The following PRKCZ variants were observed in gnomAD, a reference collection of about 807,000 sequenced individuals.
PRKCZ encodes protein kinase C zeta, also known as protein kinase C zeta type.
A neutral mutation model predicts 79.5 loss-of-function variants in PRKCZ; 33 were observed. The observed-to-expected ratio is 0.41, with a 90% CI of 0.31 to 0.55. The LOEUF (loss-of-function observed/expected upper bound fraction) is 0.55. Among genes scored for constraint, PRKCZ ranks in the 20% least tolerant of loss-of-function variants. PRKCZ has a pLI of 0.19. For synonymous variants in PRKCZ, 342 were observed against 320.9 expected (o/e 1.07, Z -0.70); for missense variants, 578 against 813.5 (o/e 0.71, Z 3.52).
intron 4 of PRKCZ, among the ~76,000 whole-genome samples, chr1:2,106,757 CTGGTGGG>C (rs1668588224): frequency 2.4e-5 from 3 of 124,944 alleles, no homozygotes; most frequent in Non-Finnish European, 3.4e-5. Context: ...GCAAGCCCCT[CTGGTGGG>C]CGAGGACCTC....
intron 4 of PRKCZ, among the ~76,000 whole-genome samples, chr1:2,110,916 G>A (rs191484205): frequency 2.0e-5 from 3 of 152,176 alleles, no homozygotes; most frequent in Middle Eastern, 3.4e-3. Context: ...AGACCGAGCC[G>A]GAAGGTGAGG....
Position 2,172,250 on chromosome 1 carries a change from C to G in PRKCZ, c.1198-51C>G. On this transcript the variant is annotated intron_variant, in intron 12 of 17. Coordinates refer to ENST00000378567, the MANE Select transcript of PRKCZ (RefSeq NM_002744.6). The surrounding 1 kb of genome is among the most constrained non-coding windows in gnomAD (Gnocchi z 7.8). ...GCATGTGCGTCTCGGGGCGCCTGTC[C>G]CGCGGGGTAGTGTCTACAAGAACCC... is the stretch of plus-strand genomic sequence containing the variant. 1 of 1,613,432 alleles carries G rather than the reference C, an allele frequency of 6.2e-7. No homozygotes were observed. Among genetic ancestry groups the G allele is most frequent in the Non-Finnish European group, 8.5e-7 (1 of 1,180,006 alleles).
At position 2,082,997 on chromosome 1, in the gene PRKCZ, C is replaced by T. The variant is rs115470299; in HGVS notation, c.334+23406C>T. ...CAGGTGTCCACACCTTGGGTGCCCCCGTCCTCCCTCTCCTCATGTCCTAAT... is the reference window on the plus strand; with the variant it reads ...CAGGTGTCCACACCTTGGGTGCCCCTGTCCTCCCTCTCCTCATGTCCTAAT... On this transcript the variant is annotated intron_variant, in intron 4 of 17. Transcript: ENST00000378567. This position sits in a 1 kb window ranked among gnomAD's most constrained non-coding sequence, Gnocchi z 4.4. Among the ~76,000 whole-genome samples, 2 of 152,266 alleles carry T rather than the reference C, an allele frequency of 1.3e-5. No individual in the cohort carries two copies. The highest frequency in any genetic ancestry group is 1.9e-4 in the East Asian group (1 of 5,190).
intron 5 of PRKCZ, among the ~76,000 whole-genome samples, chr1:2,135,924 A>T (rs1419199328): frequency 6.6e-6 from 1 of 152,120 alleles, no homozygotes; most frequent in Non-Finnish European, 1.5e-5. Flanking sequence ...TCTGTTTCAC[A>T]GTGGAAGGGG....
intron 4 of PRKCZ, among the ~76,000 whole-genome samples, chr1:2,080,139 C>A (rs917355353): frequency 1.3e-5 from 2 of 152,210 alleles, no homozygotes; most frequent in African/African-American, 4.8e-5. Flanking sequence ...GCATCCACTA[C>A]CCGGCCTGTC....
intron 4 of PRKCZ, among the ~76,000 whole-genome samples, chr1:2,066,637 C>T (rs147846406): frequency 1.2e-4 from 19 of 152,320 alleles, no homozygotes; most frequent in African/African-American, 3.8e-4. Flanking sequence ...CTGCTGCGCC[C>T]GGCCCTGCTC....
chr1:2,095,894 C>CCTCCCCTCCTTTCCT (rs1666407112), intron 4 of PRKCZ, among the ~76,000 whole-genome samples: 4 of 102,422 alleles, frequency 3.9e-5, no homozygotes, highest in African/African-American at 1.2e-4. Flanking sequence ...CCTCCTTTCC[C>CCTCCCCTCCTTTCCT]CTCCCCTCCT....
Position 2,069,032 on chromosome 1 carries a change from C to T in PRKCZ, c.334+9441C>T, listed in dbSNP as rs113536936. 7.1e-3 allele frequency among the ~76,000 whole-genome samples: 1,087 copies of T among 152,290 alleles called. 9 individuals are homozygous for T. The highest frequency in any genetic ancestry group is 0.024 in the African/African-American group (1,001 of 41,550). On this transcript the variant is annotated intron_variant, in intron 4 of 17. Transcript: ENST00000378567. ...CCAGTCACCACCCTGCCGGCTGCCACGGGGACACGTGGCCTGGTTCCTGCT... is the reference window on the plus strand; with the variant it reads ...CCAGTCACCACCCTGCCGGCTGCCATGGGGACACGTGGCCTGGTTCCTGCT...
rs1046405308 is a variant in PRKCZ, at chr1:2,125,213, A to G, written c.335-10049A>G. ...CAGAAAAAAAATTTCTTACATAGAA[A>G]GGAGCGGTATTTGGTATGAATTTAT... On this transcript the variant is annotated intron_variant, in intron 4 of 17. Transcript: ENST00000378567. The surrounding 1 kb of genome is among the most constrained non-coding windows in gnomAD (Gnocchi z 4.2). 5.3e-5 allele frequency among the ~76,000 whole-genome samples: 8 copies of G among 152,254 alleles called. No homozygotes were observed. The highest frequency in any genetic ancestry group is 2.1e-4 in the South Asian group (1 of 4,836).
intron 4 of PRKCZ, among the ~76,000 whole-genome samples, chr1:2,118,899 T>C (rs1001514726): frequency 6.6e-4 from 100 of 152,222 alleles, no homozygotes; most frequent in Non-Finnish European, 1.3e-3. Flanking sequence ...GGCTGTGTTT[T>C]AAATGAAAGA....
chr1:2,069,747 C>G (rs922575492), intron 4 of PRKCZ, among the ~76,000 whole-genome samples: 1 of 152,144 alleles, frequency 6.6e-6, no homozygotes. Flanking sequence ...TCTAGATGGC[C>G]GGGCCCATCA....
rs1557516029 is a variant in PRKCZ, at chr1:2,082,042, CGGGCTGCCG to C, written c.334+22452_334+22460del. ...TGTTCATATTAAAGCAGGCTTGATC[CGGGCTGCCG>C]TGGTTCCGATCGACTCCGAATAGGA... On this transcript the variant is annotated intron_variant, in intron 4 of 17. Coordinates refer to ENST00000378567, the MANE Select transcript of PRKCZ (RefSeq NM_002744.6). The surrounding 1 kb of genome is among the most constrained non-coding windows in gnomAD (Gnocchi z 4.4). Among the ~76,000 whole-genome samples, 1 of 152,218 alleles carries C rather than the reference CGGGCTGCCG, an allele frequency of 6.6e-6. No homozygotes were observed. Among genetic ancestry groups the C allele is most frequent in the African/African-American group, 2.4e-5 (1 of 41,444 alleles).
At position 2,165,923 on chromosome 1, in the gene PRKCZ, G is replaced by T. The variant is rs1683232225; in HGVS notation, c.975-3595G>T. Reference sequence around the variant, plus strand: ...TCAGCCCCCGGCCGCCCCCTAGGAGGTTTCGTGAGCTTCCAGCATCCCCCT... The same window carrying T: ...TCAGCCCCCGGCCGCCCCCTAGGAGTTTTCGTGAGCTTCCAGCATCCCCCT... On this transcript the variant is annotated intron_variant, in intron 10 of 17. Coordinates refer to ENST00000378567, the MANE Select transcript of PRKCZ (RefSeq NM_002744.6). The surrounding 1 kb of genome is among the most constrained non-coding windows in gnomAD (Gnocchi z 4.1). Among the ~76,000 whole-genome samples, 1 of 152,128 alleles carries T rather than the reference G, an allele frequency of 6.6e-6. No homozygotes were observed. The highest frequency in any genetic ancestry group is 1.5e-5 in the Non-Finnish European group (1 of 68,022).
At position 2,128,964 on chromosome 1, in the gene PRKCZ, C is replaced by T. The variant is rs933940427; in HGVS notation, c.335-6298C>T. 6.6e-6 allele frequency among the ~76,000 whole-genome samples: 1 copy of T among 152,106 alleles called. No individual in the cohort carries two copies. Among genetic ancestry groups the T allele is most frequent in the East Asian group, 1.9e-4 (1 of 5,166 alleles). Reference sequence around the variant, plus strand: ...AAGGGCTCCCTTCTCCTTTTCACAGCGCTGTCTGTCGCTTAGGTCAGAAAT... The same window carrying T: ...AAGGGCTCCCTTCTCCTTTTCACAGTGCTGTCTGTCGCTTAGGTCAGAAAT... On this transcript the variant is annotated intron_variant, in intron 4 of 17. Coordinates refer to ENST00000378567, the MANE Select transcript of PRKCZ (RefSeq NM_002744.6). This position sits in a 1 kb window ranked among gnomAD's most constrained non-coding sequence, Gnocchi z 6.5.
intron 4 of PRKCZ, among the ~76,000 whole-genome samples, chr1:2,077,568 A>C (rs1662674617): frequency 6.6e-6 from 1 of 152,182 alleles, no homozygotes; most frequent in Non-Finnish European, 1.5e-5. Flanking sequence ...TAAAGTTTGC[A>C]TTGTACATTA....
intron 10 of PRKCZ, among the ~76,000 whole-genome samples, chr1:2,158,519 A>T (rs955928136): frequency 4.0e-5 from 6 of 151,848 alleles, no homozygotes; most frequent in African/African-American, 1.5e-4. Context: ...GTGCATTCCC[A>T]TTGCGCTTTT....
At chr1:2,145,973 G>GT (rs1553164090) in intron 6 of PRKCZ, 54 bp from the exon 7 acceptor site, 3 of 1,480,776 alleles carry the variant, frequency 2.0e-6, no homozygotes, top group Non-Finnish European at 2.8e-6. Flanking sequence ...AAGCTACATT[G>GT]TAACACCTGC....
Position 2,071,424 on chromosome 1 carries a change from T to C in PRKCZ, c.334+11833T>C, listed in dbSNP as rs534994890. ...TGTGGAACAGTGGGGACGCTGCTGG[T>C]GTCCTCCAGGCCTGGGTGGGCGGGT... On this transcript the variant is annotated intron_variant, in intron 4 of 17. Transcript: ENST00000378567. The C allele has an allele frequency of 1.9e-5, 7 of 376,326 alleles. No homozygotes were observed. In the East Asian group the frequency reaches 6.4e-4, roughly 34 times the overall value. 23.3% of individuals were successfully genotyped at this position (376,326 alleles called of 1,614,324 possible).
intron 4 of PRKCZ, among the ~76,000 whole-genome samples, chr1:2,091,551 C>G (rs952526499): frequency 4.6e-5 from 7 of 152,072 alleles, no homozygotes; most frequent in Admixed American, 4.6e-4. Flanking sequence ...TGTTCCTGGC[C>G]GTCCTCTTGG....
Sources: gnomAD v4.1 joint callset for allele counts (sites outside exome capture counted in the v4.1 genomes callset) on GRCh38, gnomAD v4.1.1 for gene constraint, Gnocchi (gnomAD v3.1) non-coding constraint, MANE v1.5 for transcripts, NCBI Gene and HGNC (gene_info 2026-07-23, HGNC 2026-07-21) for gene names.